PCBP2: variants seen among roughly 807,000 people sequenced by gnomAD.
The protein encoded by PCBP2 is poly(rC)-binding protein 2.
A neutral mutation model predicts 50.1 loss-of-function variants in PCBP2; 4 were observed. The ratio of observed to expected loss-of-function variants is 0.08; its 90% CI spans 0.04 to 0.18. The LOEUF (loss-of-function observed/expected upper bound fraction) is 0.18, where lower values mean the gene tolerates loss of function less well. Ranked by LOEUF, PCBP2 falls within the 10% of genes least tolerant of loss-of-function variation. The pLI is 1.00. For synonymous variants in PCBP2, 179 were observed against 168.0 expected (o/e 1.07, Z -0.51); for missense variants, 161 against 474.3 (o/e 0.34, Z 6.14).
Position 53,459,416 on chromosome 12 carries a change from T to C in PCBP2, c.375+13T>C, listed in dbSNP as rs756190717. ...GGAAATACGAGAGGTTAGTGACTTT[T>C]GTCGTCCTTTTAGAAATGTTAACTA... On this transcript the variant is annotated intron_variant, in intron 6 of 14. Coordinates refer to ENST00000546463, the MANE Select transcript of PCBP2 (RefSeq NM_031989.5). 10 of 1,604,146 alleles carry C rather than the reference T, an allele frequency of 6.2e-6. No individual in the cohort carries two copies. Among genetic ancestry groups the C allele is most frequent in the South Asian group, 2.2e-5 (2 of 90,474 alleles).
intron 13 of PCBP2, 87 bp downstream of exon 13, chr12:53,468,919 T>A: frequency 6.1e-6 from 4 of 660,602 alleles, no homozygotes; most frequent in Non-Finnish European, 9.4e-6. Context: ...CTGCTACCCT[T>A]TTTTTTTTTT....
chr12:53,470,373 TC>T (rs1942124078), intron 13 of PCBP2, among the ~76,000 whole-genome samples: 1 of 79,706 alleles, frequency 1.3e-5, no homozygotes, highest in Non-Finnish European at 2.5e-5. Flanking sequence ...CAAGACTCCG[TC>T]TCTCAAAAAA....
intron 7 of PCBP2, 68 bp from the exon 8 acceptor site, chr12:53,462,425 G>T: frequency 7.6e-7 from 1 of 1,308,306 alleles, no homozygotes; most frequent in Non-Finnish European, 1.1e-6. Context: ...GTGAGCTAAA[G>T]CCACACAGCT....
chr12:53,473,766 T>G (rs557914640), intron 14 of PCBP2, among the ~76,000 whole-genome samples: 1 of 152,026 alleles, frequency 6.6e-6, no homozygotes, highest in East Asian at 1.9e-4. Flanking sequence ...TCAAAGGGTT[T>G]TTTTTTTTTT....
intron 14 of PCBP2, among the ~76,000 whole-genome samples, chr12:53,476,414 A>T (rs543962617): frequency 6.6e-6 from 1 of 152,224 alleles, no homozygotes; most frequent in Non-Finnish European, 1.5e-5. Context: ...CTTTTACTCA[A>T]TCGTACTAAC....
intron 14 of PCBP2, 77 bp from the exon 15 acceptor site, chr12:53,479,329 C>A: frequency 7.7e-7 from 1 of 1,296,018 alleles, no homozygotes; most frequent in Non-Finnish European, 1.1e-6. Context: ...TTACTCTTCA[C>A]ATTTCATGAA....
Position 53,471,697 on chromosome 12 carries a change from T to C in PCBP2, c.942T>C (p.Ser314=), listed in dbSNP as rs368599477. 2 of 1,614,072 alleles carry C rather than the reference T, an allele frequency of 1.2e-6. No homozygotes were observed. Among genetic ancestry groups the C allele is most frequent in the Non-Finnish European group, 1.7e-6 (2 of 1,180,000 alleles). Reference sequence around the variant, plus strand: ...AAATCAATGAGATCCGTCAGATGTCTGGGGCGCAGATCAAAATTGCGAACC... The same window carrying C: ...AAATCAATGAGATCCGTCAGATGTCCGGGGCGCAGATCAAAATTGCGAACC... ...GAKINEIRQM[S]GAQIKIANPV... The change falls in exon 14 of 15, where the codon TCT becomes TCC. Residue 314 remains serine, a synonymous_variant. Coordinates refer to ENST00000546463, the MANE Select transcript of PCBP2 (RefSeq NM_031989.5).
chr12:53,453,023 C>T (rs1167874677), intron 1 of PCBP2: 1 of 151,844 alleles, frequency 6.6e-6, no homozygotes, highest in Admixed American at 6.6e-5. Flanking sequence ...AATCCCAGAC[C>T]GAGCTATTTA....
At chr12:53,473,484 G>C (rs1050745489) in intron 14 of PCBP2, among the ~76,000 whole-genome samples, 4 of 152,200 alleles carry the variant, frequency 2.6e-5, no homozygotes, top group Admixed American at 1.3e-4. Context: ...TTGTTCTTTC[G>C]ATAGGCTTGC....
intron 5 of PCBP2, among the ~76,000 whole-genome samples, chr12:53,457,334 G>A (rs372337446): frequency 6.6e-5 from 10 of 151,868 alleles, no homozygotes; most frequent in East Asian, 3.9e-4. Flanking sequence ...TTACAGGCGT[G>A]AGCCACCATG....
chr12:53,479,668 C>CTGGTTTTTGTTTTTTTT lies in PCBP2; in HGVS notation c.*234_*235insGTTTTTTTTTGGTTTTT, dbSNP rs1555209640. ...CATATTTAGTTTTATAAGCTTCTCC[C>CTGGTTTTTGTTTTTTTT]TGGTTTTTTTTTTTTGGCTCATGAA... is the stretch of plus-strand genomic sequence containing the variant. On this transcript the variant is annotated 3_prime_UTR_variant, in exon 15 of 15. Coordinates refer to ENST00000546463, the MANE Select transcript of PCBP2 (RefSeq NM_031989.5). The CTGGTTTTTGTTTTTTTT allele has an allele frequency of 5.9e-5, 8 of 136,752 alleles. No homozygotes were observed. The highest frequency in any genetic ancestry group is 1.1e-4 in the Non-Finnish European group (8 of 75,600). The allele number at this position is 136,752 out of a possible 1,614,324, so 8.5% of individuals were successfully genotyped here. A position where few individuals can be genotyped will look rare whatever the true frequency, so the allele number is the denominator to read the frequency against.
intron 14 of PCBP2, among the ~76,000 whole-genome samples, chr12:53,478,084 CAG>C (rs925879645): frequency 6.6e-6 from 1 of 152,188 alleles, no homozygotes; most frequent in African/African-American, 2.4e-5. Flanking sequence ...CTCTTTGAAA[CAG>C]AAAGGCATTG....
intron 13 of PCBP2, among the ~76,000 whole-genome samples, chr12:53,470,512 C>T (rs374548830): frequency 5.9e-5 from 9 of 151,762 alleles, no homozygotes; most frequent in African/African-American, 2.2e-4. Context: ...TTAAGAGATC[C>T]TCCCATCTCA....
chr12:53,464,663 G>T, intron 8 of PCBP2, 97 bp from the exon 9 acceptor site: 1 of 1,501,962 alleles, frequency 6.7e-7, no homozygotes, highest in Non-Finnish European at 8.9e-7. Context: ...AAAGGAAAAA[G>T]GAAAAAAATA....
chr12:53,456,758 C>T (rs1941048681), intron 5 of PCBP2, among the ~76,000 whole-genome samples: 1 of 152,084 alleles, frequency 6.6e-6, no homozygotes, highest in Non-Finnish European at 1.5e-5. Context: ...GTAAGTTTTT[C>T]CCCCACCAAC....
chr12:53,476,039 A>T (rs1169496331), intron 14 of PCBP2: 1 of 152,128 alleles, frequency 6.6e-6, no homozygotes, highest in Non-Finnish European at 1.5e-5. Context: ...AGTCTAATAA[A>T]ATTAGGCAGC....
intron 14 of PCBP2, chr12:53,476,111 G>A (rs1175069001): frequency 1.3e-5 from 2 of 152,164 alleles, no homozygotes; most frequent in Non-Finnish European, 2.9e-5. Flanking sequence ...GTATATCTCA[G>A]CCAACCCGTG....
chr12:53,468,035 A>AT, intron 12 of PCBP2, 192 bp downstream of exon 12: 2 of 589,354 alleles, frequency 3.4e-6, no homozygotes, highest in Non-Finnish European at 6.0e-6. Context: ...TCTAAAAATG[A>AT]TGAGACAGCA....
intron 14 of PCBP2, among the ~76,000 whole-genome samples, chr12:53,472,160 C>A (rs1295295294): frequency 6.6e-6 from 1 of 152,120 alleles, no homozygotes; most frequent in Non-Finnish European, 1.5e-5. Flanking sequence ...CTATTTCTTT[C>A]ACTGATTTGA....
Sources: allele counts gnomAD v4.1 joint callset (sites outside exome capture counted in the v4.1 genomes callset), GRCh38; gene constraint gnomAD v4.1.1; transcripts MANE v1.5; gene names NCBI Gene and HGNC (gene_info 2026-07-23, HGNC 2026-07-21).